ADGRD1: variants seen among roughly 807,000 people sequenced by gnomAD.
ADGRD1 encodes the protein G-protein coupled receptor 133.
Under a neutral mutation model 113.4 loss-of-function variants are expected in ADGRD1, and 77 were observed. The ratio of observed to expected loss-of-function variants is 0.68; its 90% CI spans 0.57 to 0.82. The LOEUF (loss-of-function observed/expected upper bound fraction) is 0.82. ADGRD1 is among the 40% of genes least tolerant of loss of function. The pLI, the probability that ADGRD1 is intolerant of heterozygous loss-of-function variation, is 0.00. For synonymous variants in ADGRD1, 474 were observed against 475.0 expected (o/e 1.00, Z 0.03); for missense variants, 1,036 against 1,139.1 (o/e 0.91, Z 1.30).
rs567608672 is a variant in ADGRD1, at chr12:131,134,221, C to T, written c.2268-1816C>T. 6.9e-4 allele frequency among the ~76,000 whole-genome samples: 105 copies of T among 152,292 alleles called. No homozygotes were observed. The South Asian group carries it at 0.02, about 29-fold the overall frequency. Reference sequence around the variant, plus strand: ...GGGGCCTGGAGACTCAGGGCCTGAGCCCCCTAGGCCAGGGCCAACCTTGGG... The same window carrying T: ...GGGGCCTGGAGACTCAGGGCCTGAGTCCCCTAGGCCAGGGCCAACCTTGGG... On this transcript the variant is annotated intron_variant, in intron 21 of 24. Coordinates refer to ENST00000261654, the MANE Select transcript of ADGRD1 (RefSeq NM_198827.5).
chr12:131,068,710 A>G (rs558046029), intron 13 of ADGRD1, among the ~76,000 whole-genome samples: 1 of 152,374 alleles, frequency 6.6e-6, no homozygotes, highest in Non-Finnish European at 1.5e-5. Context: ...CAGCTATAAC[A>G]AAATAAATAA....
In ADGRD1 at chr12:131,105,710, G is replaced by T. The variant is rs753576031; in HGVS notation, c.1776-44G>T. On this transcript the variant is annotated intron_variant, in intron 16 of 24. Transcript: ENST00000261654. ...CCAGGGAGCCCAGCCTGGGGGACTG[G>T]GTCGGCGCAGGGCCCAGGCCTCACA... 12 of 1,491,140 alleles carry T rather than the reference G, an allele frequency of 8.0e-6. No homozygotes were observed. The Middle Eastern group carries it at 1.0e-3, about 127-fold the overall frequency. 92.4% of individuals were successfully genotyped at this position (1,491,140 alleles called of 1,614,324 possible).
chr12:131,118,516 C>G, intron 19 of ADGRD1, 65 bp downstream of exon 19: 2 of 1,254,402 alleles, frequency 1.6e-6, no homozygotes, highest in Non-Finnish European at 2.3e-6. Context: ...GCGAGAGCCC[C>G]GTGGCTCTTG....
Position 131,096,513 on chromosome 12 carries a change from C to G in ADGRD1, c.1672-8318C>G, listed in dbSNP as rs529011521. 1.3e-5 allele frequency among the ~76,000 whole-genome samples: 2 copies of G among 152,214 alleles called. No individual in the cohort carries two copies. Among genetic ancestry groups the G allele is most frequent in the Admixed American group, 1.3e-4 (2 of 15,282 alleles). On this transcript the variant is annotated intron_variant, in intron 15 of 24. Transcript: ENST00000261654. The surrounding 1 kb of genome is among the most constrained non-coding windows in gnomAD (Gnocchi z 5.2). Reference sequence around the variant, plus strand: ...CGTGTTAACCACTGCATAGCTCTCCCGCGGGTGGACACTGAAGTCATGGTG... The same window carrying G: ...CGTGTTAACCACTGCATAGCTCTCCGGCGGGTGGACACTGAAGTCATGGTG...
At chr12:131,093,596 C>T (rs1434199576) in intron 15 of ADGRD1, among the ~76,000 whole-genome samples, 2 of 152,196 alleles carry the variant, frequency 1.3e-5, no homozygotes, top group Admixed American at 6.5e-5. Context: ...ATTTGCGGTC[C>T]CGAGGGTGTG....
chr12:131,083,850 G>T (rs1009969169), intron 14 of ADGRD1, among the ~76,000 whole-genome samples: 1 of 127,518 alleles, frequency 7.8e-6, no homozygotes, highest in African/African-American at 3.0e-5. Context: ...TCCTGATCTC[G>T]CCACCCTGTC....
At chr12:131,033,689 C>T (rs900059613) in intron 13 of ADGRD1, among the ~76,000 whole-genome samples, 2 of 152,296 alleles carry the variant, frequency 1.3e-5, no homozygotes, top group Admixed American at 1.3e-4. Flanking sequence ...TGGGTGGCCA[C>T]AGGGGCTTGC....
intron 14 of ADGRD1, among the ~76,000 whole-genome samples, chr12:131,080,649 C>A (rs1481381536): frequency 2.0e-5 from 3 of 152,136 alleles, no homozygotes; most frequent in African/African-American, 7.2e-5. Flanking sequence ...GAGACAGAGT[C>A]TCGCTCTGTA....
At chr12:130,996,778 T>C (rs865937384) in intron 8 of ADGRD1, among the ~76,000 whole-genome samples, 1,725 of 32,026 alleles carry the variant, frequency 0.054, 6 homozygotes, top group Non-Finnish European at 0.065. Context: ...CCAGTAGGGG[T>C]GGCCGGGCAG....
At chr12:131,076,646 G>T in intron 13 of ADGRD1, 155 bp from the exon 14 acceptor site, 1 of 685,422 alleles carries the variant, frequency 1.5e-6, no homozygotes, top group Non-Finnish European at 2.6e-6. Context: ...GGTGATGTGG[G>T]ACCACACCCA....
In ADGRD1 at chr12:131,003,363, A is replaced by T; in HGVS notation, c.1144+61A>T. The stretch of plus-strand genomic sequence containing the variant: ...GGGCGGGGGCTGGAGGCTGCGTTTC[A>T]CTGCCTGTCTTTTTACACCCTTAGC... On this transcript the variant is annotated intron_variant, in intron 10 of 24. Transcript: ENST00000261654. The surrounding 1 kb of genome is among the most constrained non-coding windows in gnomAD (Gnocchi z 4.8). 1 of 1,132,246 alleles carries T rather than the reference A, an allele frequency of 8.8e-7. No homozygotes were observed. The allele number at this position is 1,132,246 out of a possible 1,614,324, so 70.1% of individuals were successfully genotyped here.
At chr12:131,069,001 C>T (rs1453516885) in intron 13 of ADGRD1, among the ~76,000 whole-genome samples, 1 of 152,226 alleles carries the variant, frequency 6.6e-6, no homozygotes, top group Non-Finnish European at 1.5e-5. Flanking sequence ...TCTGTTCTGC[C>T]TCTTTCTTTA....
chr12:130,992,430 G>A lies in ADGRD1; in HGVS notation c.966+38G>A, dbSNP rs199712905. ...GATGTCTGTGTCTGGTGGACCGGGCGTGGCACCCTTACCGGGACCATAGAT... is the reference window on the plus strand; with the variant it reads ...GATGTCTGTGTCTGGTGGACCGGGCATGGCACCCTTACCGGGACCATAGAT... On this transcript the variant is annotated intron_variant, in intron 8 of 24. Transcript: ENST00000261654. The A allele has an allele frequency of 6.7e-5, 106 of 1,570,932 alleles. 1 individual carries two copies. In the East Asian group the frequency reaches 1.5e-3, roughly 23 times the overall value.
At chr12:131,121,090 G>T (rs570936395) in intron 20 of ADGRD1, among the ~76,000 whole-genome samples, 177 bp downstream of exon 20, 7 of 152,238 alleles carry the variant, frequency 4.6e-5, no homozygotes, top group African/African-American at 1.7e-4. Context: ...CTTATTTCCC[G>T]GAATGCTCAG....
intron 13 of ADGRD1, among the ~76,000 whole-genome samples, chr12:131,034,720 G>T (rs34853396): frequency 0.35 from 53,149 of 152,026 alleles, 10,854 homozygotes; most frequent in South Asian, 0.52. Context: ...GTGGCCCCTC[G>T]CTGGGCAGGG....
At chr12:131,045,824 C>G (rs1408125921) in intron 13 of ADGRD1, among the ~76,000 whole-genome samples, 2 of 152,128 alleles carry the variant, frequency 1.3e-5, no homozygotes, top group Non-Finnish European at 2.9e-5. Flanking sequence ...CGGGCACAGG[C>G]TGAGATGTGA....
At position 131,007,027 on chromosome 12, in the gene ADGRD1, TG is replaced by T. The variant is rs1338488168; in HGVS notation, c.1331+982del. On this transcript the variant is annotated intron_variant, in intron 12 of 24. Transcript: ENST00000261654. Reference sequence around the variant, plus strand: ...CCTGCTGAAGTTTCCACCAGGAAGCTGGCCTTGCTGTGAAATATATGAGACG... The same window carrying T: ...CCTGCTGAAGTTTCCACCAGGAAGCTGCCTTGCTGTGAAATATATGAGACG... Among the ~76,000 whole-genome samples, 91 of 152,380 alleles carry T rather than the reference TG, an allele frequency of 6.0e-4. 1 individual carries two copies. Among genetic ancestry groups the T allele is most frequent in the Non-Finnish European group, 2.9e-5 (2 of 68,040 alleles).
At chr12:130,969,429 C>T (rs1871363122) in intron 3 of ADGRD1, 1 of 211,432 alleles carries the variant, frequency 4.7e-6, no homozygotes, top group African/African-American at 2.3e-5. Context: ...CCGAGCTCCA[C>T]CTCCTGTCAG....
intron 15 of ADGRD1, among the ~76,000 whole-genome samples, chr12:131,088,142 G>A (rs1886625346): frequency 1.3e-5 from 2 of 152,188 alleles, no homozygotes; most frequent in South Asian, 4.1e-4. Flanking sequence ...TCCTGGAGAT[G>A]GGCGGACTGC....
Sources: gnomAD v4.1 joint callset for allele counts (sites outside exome capture counted in the v4.1 genomes callset) on GRCh38, gnomAD v4.1.1 for gene constraint, Gnocchi (gnomAD v3.1) non-coding constraint, MANE v1.5 for transcripts, NCBI Gene and HGNC (gene_info 2026-07-23, HGNC 2026-07-21) for gene names.